The following G6PD variants were observed in gnomAD, a reference collection of about 807,000 sequenced individuals.
The protein encoded by G6PD is glucose-6-phosphate 1-dehydrogenase.
In G6PD, 2 loss-of-function variants were observed where a neutral mutation model predicts 38.2. The observed-to-expected ratio is 0.05, with a 90% CI of 0.02 to 0.16. G6PD has a LOEUF of 0.16. Ranked by LOEUF, G6PD falls within the 10% of genes least tolerant of loss-of-function variation. The probability of loss-of-function intolerance (pLI) is 1.00; values close to 1 mark genes in which losing one functional copy is unlikely to be tolerated. For synonymous variants in G6PD, 188 were observed against 196.0 expected (o/e 0.96, Z 0.34); for missense variants, 310 against 471.6 (o/e 0.66, Z 3.17).
upstream of G6PD, chrX:154,547,428 C>G: frequency 1.3e-6 from 1 of 754,972 alleles, no homozygotes; most frequent in Non-Finnish European, 1.6e-6. Context: ...GGCGTGTAGG[C>G]GGTGACGCCC....
At chrX:154,544,665 A>C (rs1294143039) in intron 2 of G6PD, among the ~76,000 whole-genome samples, 2 of 111,921 alleles carry the variant, frequency 1.8e-5, no homozygotes, top group Non-Finnish European at 1.9e-5. Context: ...TGTGGGCTCC[A>C]CCTGGTACCT....
intron 5 of G6PD, chrX:154,534,953 G>GGCT: frequency 2.2e-6 from 1 of 458,933 alleles, no homozygotes; most frequent in Non-Finnish European, 3.8e-6. Context: ...CGCAGAGCAA[G>GGCT]GCTGCCACCC....
chrX:154,542,722 C>A (rs782387448), intron 2 of G6PD, among the ~76,000 whole-genome samples: 64 of 112,142 alleles, frequency 5.7e-4, no homozygotes, highest in African/African-American at 1.8e-3. Flanking sequence ...TTGTTCCCAA[C>A]TCGGGGCTCC....
intron 2 of G6PD, among the ~76,000 whole-genome samples, chrX:154,544,702 TCAGAGGACAATGG>T (rs2070642921): frequency 9.0e-6 from 1 of 111,190 alleles, no homozygotes; most frequent in Admixed American, 9.5e-5. Flanking sequence ...TTATGGGGAG[TCAGAGGACAATGG>T]CCCCTCCTTA....
At chrX:154,547,538 G>A, upstream of G6PD, 3 of 754,991 alleles carry the variant, frequency 4.0e-6, no homozygotes, top group Non-Finnish European at 4.7e-6. Context: ...GCCCTACCGC[G>A]GCCTCACACT....
At chrX:154,543,390 G>A (rs2070582649) in intron 2 of G6PD, among the ~76,000 whole-genome samples, 1 of 112,430 alleles carries the variant, frequency 8.9e-6, no homozygotes, top group Non-Finnish European at 1.9e-5. Context: ...CTGGGCCCTC[G>A]TTTCAAAAGC....
At chrX:154,542,617 C>T (rs1603413399) in intron 2 of G6PD, among the ~76,000 whole-genome samples, 1 of 111,911 alleles carries the variant, frequency 8.9e-6, no homozygotes, top group Admixed American at 9.4e-5. Context: ...CAGAGGAAGG[C>T]CACGTGGGTC....
At chrX:154,542,385 C>A in intron 2 of G6PD, 1 of 1,207,749 alleles carries the variant, frequency 8.3e-7, no homozygotes. Context: ...GAGGTCCCAT[C>A]AGGTGGGGAA....
chrX:154,538,290 C>G (rs1047601103), intron 2 of G6PD, among the ~76,000 whole-genome samples: 1 of 111,874 alleles, frequency 8.9e-6, no homozygotes, highest in Middle Eastern at 4.2e-3. Flanking sequence ...CCACGACGAC[C>G]CACTGACCCT....
chrX:154,542,935 G>A lies in G6PD; in HGVS notation c.120+3101C>T, dbSNP rs782141087. On this transcript the variant is annotated intron_variant, in intron 2 of 12. Transcript: ENST00000393562. ...ATGAGGAGGGCAGGGACTGGCTGCT[G>A]TGGCCCAGAAGTACCCAATCGCTGT... Among the ~76,000 whole-genome samples the A allele has an allele frequency of 4.5e-5, 5 of 112,271 alleles. No homozygotes were observed. In the East Asian group the frequency reaches 1.4e-3, roughly 31 times the overall value.
chrX:154,533,472 C>T (rs987601506), intron 8 of G6PD, 104 bp downstream of exon 8: 24 of 1,037,042 alleles, frequency 2.3e-5, no homozygotes, highest in Non-Finnish European at 2.6e-5. Flanking sequence ...GTGACTTCTC[C>T]GGGGTTGAGG....
chrX:154,546,891 CG>C, upstream of G6PD: 1 of 997,698 alleles, frequency 1.0e-6, no homozygotes. Flanking sequence ...GGGGCGGGGG[CG>C]GGCGCCTGGG....
chrX:154,535,223 G>C lies in G6PD; in HGVS notation c.430C>G (p.Pro144Ala). 1 of 1,212,057 alleles carries C rather than the reference G, an allele frequency of 8.3e-7. No homozygotes were observed. The highest frequency in any genetic ancestry group is 1.1e-6 in the Non-Finnish European group (1 of 895,577). ...TTGGTGACGGCCTCGTAGACGGTCG[G>C]GGGCAAGGCCAGGTAGAAGAGGCGG... Reference protein sequence around the residue: ...ANRLFYLALPPTVYEAVTKNI... With the variant: ...ANRLFYLALPATVYEAVTKNI... The change falls in exon 5 of 13, where the codon CCG becomes GCG. Residue 144 changes from proline to alanine, a missense_variant. Coordinates refer to ENST00000393562, the MANE Select transcript of G6PD (RefSeq NM_001360016.2).
chrX:154,546,998 C>T (rs1363112282), upstream of G6PD: 2 of 228,356 alleles, frequency 8.8e-6, no homozygotes, highest in Non-Finnish European at 1.5e-5. Context: ...GCGCGCGCAT[C>T]CCAGGCCAGC....
rs782233788 is a variant in G6PD at position 154,531,991 on chromosome X, G to T, written c.*9C>A. On this transcript the variant is annotated 3_prime_UTR_variant, in exon 13 of 13. Transcript: ENST00000393562. ...GGCCGTGGCGGGGGTGGAGGTGGGTGCCCAGGGCTCAGAGCTTGTGGGGGT... is the reference window on the plus strand; with the variant it reads ...GGCCGTGGCGGGGGTGGAGGTGGGTTCCCAGGGCTCAGAGCTTGTGGGGGT... 7.5e-6 allele frequency: 9 copies of T among 1,206,297 alleles called. No homozygotes were observed. The South Asian group carries it at 1.4e-4, about 19-fold the overall frequency.
chrX:154,534,258 G>A (rs1411212767), intron 6 of G6PD, 80 bp downstream of exon 6: 105 of 1,201,208 alleles, frequency 8.7e-5, no homozygotes, highest in Non-Finnish European at 1.1e-4. Context: ...GGAGGAATTC[G>A]TCCTCGGGGA....
At chrX:154,535,477 C>T in intron 4 of G6PD, 92 bp from the exon 5 acceptor site, 2 of 844,904 alleles carry the variant, frequency 2.4e-6, no homozygotes, top group Non-Finnish European at 3.4e-6. Context: ...GGAGGGTCTT[C>T]CCTGGAGGTC....
chrX:154,535,281 G>A lies in G6PD; in HGVS notation c.372C>T (p.His124=). The part of the protein sequence containing the change: ...DAASYQRLNS[H]MNALHLGSQA... ...GTGACCCCAGGTGGAGGGCATTCAT[G>A]TGGCTGTTGAGGCGCTGGTAGGAGG... The change falls in exon 5 of 13, where the codon CAC becomes CAT. Residue 124 remains histidine, a synonymous_variant. Coordinates refer to ENST00000393562, the MANE Select transcript of G6PD (RefSeq NM_001360016.2). 8.2e-7 allele frequency: 1 copy of A among 1,212,235 alleles called. No homozygotes were observed. Among genetic ancestry groups the A allele is most frequent in the Non-Finnish European group, 1.1e-6 (1 of 895,520 alleles).
rs1373935156 is a variant in G6PD at position 154,531,760 on chromosome X, G to A, written c.*240C>T. 2 of 458,417 alleles carry A rather than the reference G, an allele frequency of 4.4e-6. No homozygotes were observed. The highest frequency in any genetic ancestry group is 3.3e-5 in the South Asian group (1 of 30,715). 37.8% of individuals were successfully genotyped at this position (458,417 alleles called of 1,213,427 possible). ...CTGTTGGGCTGGAGTGAGTGGAGGA[G>A]GTGACTCAGCTCCTGGGCTCAGGCA... On this transcript the variant is annotated 3_prime_UTR_variant, in exon 13 of 13. Transcript: ENST00000393562.
Sources: allele counts gnomAD v4.1 joint callset (sites outside exome capture counted in the v4.1 genomes callset), GRCh38; gene constraint gnomAD v4.1.1; transcripts MANE v1.5; gene names NCBI Gene and HGNC (gene_info 2026-07-23, HGNC 2026-07-21).